PLXNC1: variants seen among roughly 807,000 people sequenced by gnomAD.
The protein encoded by PLXNC1 is plexin-C1.
In PLXNC1, 75 loss-of-function variants were observed where a neutral mutation model predicts 178.2. That is an observed-to-expected ratio of 0.42 (90% CI 0.35 to 0.51). The LOEUF (loss-of-function observed/expected upper bound fraction) is 0.51, where lower values mean the gene tolerates loss of function less well. Ranked by LOEUF, PLXNC1 falls within the 20% of genes least tolerant of loss-of-function variation. PLXNC1 has a pLI of 0.02. For synonymous variants in PLXNC1, 790 were observed against 779.9 expected (o/e 1.01, Z -0.22); for missense variants, 1,503 against 1,984.4 (o/e 0.76, Z 4.61).
At chr12:94,237,284 C>T (rs1592795929) in intron 9 of PLXNC1, among the ~76,000 whole-genome samples, 1 of 152,278 alleles carries the variant, frequency 6.6e-6, no homozygotes, top group Admixed American at 6.5e-5. Context: ...TGTCATTGGC[C>T]TACGGTCAAT....
In PLXNC1 at chr12:94,226,596, T is replaced by G; in HGVS notation, c.1791-9T>G. On this transcript the variant is annotated splice_polypyrimidine_tract_variant and intron_variant, in intron 7 of 30. Coordinates refer to ENST00000258526, the MANE Select transcript of PLXNC1 (RefSeq NM_005761.3). The stretch of plus-strand genomic sequence containing the variant: ...ACGCAGGAATTAAGTCAGTTTTCTG[T>G]GTTGCTAGATGCCCAGCATGCGTAG... The G allele has an allele frequency of 6.3e-7, 1 of 1,599,612 alleles. No homozygotes were observed. The highest frequency in any genetic ancestry group is 1.1e-5 in the South Asian group (1 of 90,780).
At chr12:94,189,679 CA>C (rs71435709) in intron 4 of PLXNC1, among the ~76,000 whole-genome samples, 69,734 of 142,522 alleles carry the variant, frequency 0.49, 17,006 homozygotes, top group East Asian at 0.84. Context: ...GACCCTGTCT[CA>C]AAAAAAAAAA....
chr12:94,196,673 G>T (rs756100760), intron 4 of PLXNC1, among the ~76,000 whole-genome samples: 1 of 152,174 alleles, frequency 6.6e-6, no homozygotes, highest in Non-Finnish European at 1.5e-5. Context: ...TTCAGAAGGC[G>T]GCTGCAGTGC....
chr12:94,303,371 G>A (rs941181461), intron 28 of PLXNC1, among the ~76,000 whole-genome samples: 1 of 152,190 alleles, frequency 6.6e-6, no homozygotes, highest in African/African-American at 2.4e-5. Flanking sequence ...CAAATTCACT[G>A]GTGGGTGAGG....
chr12:94,208,316 T>C (rs994277838), intron 4 of PLXNC1, among the ~76,000 whole-genome samples: 1 of 152,210 alleles, frequency 6.6e-6, no homozygotes, highest in Non-Finnish European at 1.5e-5. Context: ...CTAAAGGTAT[T>C]GTGCTTGGGG....
chr12:94,293,562 T>TCTTGTATC (rs1967585623), intron 23 of PLXNC1, among the ~76,000 whole-genome samples: 1 of 152,196 alleles, frequency 6.6e-6, no homozygotes, highest in Non-Finnish European at 1.5e-5. Context: ...AGAGCCGTCT[T>TCTTGTATC]CTTGTATCCT....
intron 9 of PLXNC1, among the ~76,000 whole-genome samples, chr12:94,236,630 T>A (rs1457924359): frequency 6.6e-6 from 1 of 150,576 alleles, no homozygotes; most frequent in African/African-American, 2.5e-5. Context: ...ACTGAGTATA[T>A]TCTGCGATGG....
chr12:94,187,432 G>A (rs1053717194), intron 4 of PLXNC1, among the ~76,000 whole-genome samples: 8 of 152,178 alleles, frequency 5.3e-5, no homozygotes, highest in Non-Finnish European at 8.8e-5. Flanking sequence ...CAAAAATACG[G>A]GGATGGAATT....
intron 11 of PLXNC1, among the ~76,000 whole-genome samples, chr12:94,242,251 C>T (rs1264647067): frequency 1.3e-5 from 2 of 150,448 alleles, no homozygotes; most frequent in African/African-American, 2.4e-5. Flanking sequence ...GTCATCTTCT[C>T]TCTATGTCTT....
At chr12:94,285,392 G>C (rs938089045) in intron 23 of PLXNC1, among the ~76,000 whole-genome samples, 3 of 152,222 alleles carry the variant, frequency 2.0e-5, no homozygotes, top group African/African-American at 7.2e-5. Flanking sequence ...GGGTCACCCA[G>C]TTTGAAAGTG....
chr12:94,202,594 T>A (rs1462540894), intron 4 of PLXNC1, among the ~76,000 whole-genome samples: 2 of 152,234 alleles, frequency 1.3e-5, no homozygotes, highest in Non-Finnish European at 2.9e-5. Context: ...GAAATAGCCC[T>A]TGAACAAGGA....
chr12:94,236,162 G>A (rs1172891658), intron 9 of PLXNC1, among the ~76,000 whole-genome samples: 2 of 152,172 alleles, frequency 1.3e-5, no homozygotes, highest in Non-Finnish European at 2.9e-5. Flanking sequence ...TATTAATACA[G>A]GGCTAACGTC....
intron 20 of PLXNC1, chr12:94,262,729 C>T (rs934756515): frequency 2.9e-5 from 29 of 985,308 alleles, no homozygotes; most frequent in Non-Finnish European, 3.1e-5. Context: ...ACCCCACAGA[C>T]GTTTAGTGGG....
intron 20 of PLXNC1, among the ~76,000 whole-genome samples, chr12:94,263,870 C>T (rs1965078600): frequency 6.6e-6 from 1 of 151,966 alleles, no homozygotes; most frequent in Non-Finnish European, 1.5e-5. Context: ...GGCAGATATT[C>T]CTGCAGCAAG....
intron 1 of PLXNC1, among the ~76,000 whole-genome samples, chr12:94,154,722 G>A (rs1428538177): frequency 6.6e-6 from 1 of 152,192 alleles, no homozygotes; most frequent in African/African-American, 2.4e-5. Context: ...CCTTAGTTAT[G>A]AGCTGAGTTT....
intron 20 of PLXNC1, chr12:94,262,775 T>A (rs776290731): frequency 1.0e-4 from 100 of 985,210 alleles, no homozygotes; most frequent in Non-Finnish European, 1.2e-4. Flanking sequence ...TAACTTTCCC[T>A]TCCAAGACAC....
rs1033517348 is a variant in PLXNC1 at position 94,255,001 on chromosome 12, G to A, written c.2983+113G>A. On this transcript the variant is annotated intron_variant, in intron 16 of 30. Coordinates refer to ENST00000258526, the MANE Select transcript of PLXNC1 (RefSeq NM_005761.3). Reference sequence around the variant, plus strand: ...AATGAGAACTGTTTGTATAATAGAAGGCAACGGAAGGGCAGGGCCTGGGCC... The same window carrying A: ...AATGAGAACTGTTTGTATAATAGAAAGCAACGGAAGGGCAGGGCCTGGGCC... 4.1e-6 allele frequency: 4 copies of A among 976,112 alleles called. No individual in the cohort carries two copies. The African/African-American group carries it at 6.6e-5, about 16-fold the overall frequency. 60.5% of individuals were successfully genotyped at this position (976,112 alleles called of 1,614,324 possible).
intron 10 of PLXNC1, 83 bp from the exon 11 acceptor site, chr12:94,240,402 G>A: frequency 1.9e-6 from 2 of 1,063,108 alleles, no homozygotes; most frequent in Non-Finnish European, 2.8e-6. Flanking sequence ...TAGTTCAAGT[G>A]AAATTCATTT....
Position 94,303,731 on chromosome 12 carries a change from GCTTTT to G in PLXNC1, c.4387-24_4387-20del. The G allele has an allele frequency of 3.6e-6, 4 of 1,113,678 alleles. No individual in the cohort carries two copies. Among genetic ancestry groups the G allele is most frequent in the African/African-American group, 2.0e-5 (1 of 50,606 alleles). The allele number at this position is 1,113,678 out of a possible 1,614,324, so 69.0% of individuals were successfully genotyped here. ...TTTTTTTACTCTTTTGGTGATGGTT[GCTTTT>G]TTTTTTTTTTTTTCCCCAGGAAGCA... On this transcript the variant is annotated intron_variant, in intron 28 of 30. Transcript: ENST00000258526.
Sources: allele counts gnomAD v4.1 joint callset (sites outside exome capture counted in the v4.1 genomes callset), GRCh38; gene constraint gnomAD v4.1.1; transcripts MANE v1.5; gene names NCBI Gene and HGNC (gene_info 2026-07-23, HGNC 2026-07-21).